The following WWOX variants were observed in gnomAD, a reference collection of about 807,000 sequenced individuals.
WWOX encodes the protein WW domain-containing oxidoreductase.
A neutral mutation model predicts 46.2 loss-of-function variants in WWOX; 69 were observed. The observed-to-expected ratio is 1.49, with a 90% CI of 1.23 to 1.82. The LOEUF is 1.82. Among genes scored for constraint, WWOX ranks in the 40% most tolerant of loss-of-function variants. The pLI is 0.00. For missense variants in WWOX, 919 were observed against 542.6 expected, an observed-to-expected ratio of 1.69 and a Z score of -6.89; for synonymous variants, 359 against 202.6, an observed-to-expected ratio of 1.77 and a Z score of -6.56.
intron 8 of WWOX, among the ~76,000 whole-genome samples, chr16:78,435,508 A>C (rs2083315190): frequency 6.6e-6 from 1 of 152,188 alleles, no homozygotes; most frequent in African/African-American, 2.4e-5. Context: ...TGAGTGAGAA[A>C]GCTGTGGGAA....
chr16:78,151,038 C>G (rs985723320), intron 4 of WWOX, among the ~76,000 whole-genome samples: 1 of 114,856 alleles, frequency 8.7e-6, no homozygotes, highest in Non-Finnish European at 1.8e-5. Context: ...GCACTGTGCT[C>G]CACAATTTTT....
intron 5 of WWOX, among the ~76,000 whole-genome samples, chr16:78,207,201 C>CT (rs1567428228): frequency 6.6e-6 from 1 of 152,178 alleles, no homozygotes; most frequent in African/African-American, 2.4e-5. Flanking sequence ...CCACATGGAC[C>CT]TACTCTATCC....
At chr16:78,282,827 G>A (rs1026717023) in intron 5 of WWOX, among the ~76,000 whole-genome samples, 3 of 143,024 alleles carry the variant, frequency 2.1e-5, no homozygotes, top group Non-Finnish European at 3.0e-5. Context: ...GCAGTGAGCC[G>A]AGATCGTGCC....
chr16:78,376,184 T>C (rs2081820936), intron 5 of WWOX, among the ~76,000 whole-genome samples: 1 of 152,196 alleles, frequency 6.6e-6, no homozygotes, highest in African/African-American at 2.4e-5. Flanking sequence ...ATTTTCACAG[T>C]AACTTCAAGG....
chr16:78,731,862 T>TTTTTTTTTTTTTTG (rs34201735), intron 8 of WWOX, among the ~76,000 whole-genome samples: 2 of 137,800 alleles, frequency 1.5e-5, no homozygotes, highest in African/African-American at 3.1e-5. Context: ...TTTTTTTTTT[T>TTTTTTTTTTTTTTG]TGAGAGACAG....
At chr16:78,540,398 G>T (rs536273425) in intron 8 of WWOX, among the ~76,000 whole-genome samples, 2 of 152,236 alleles carry the variant, frequency 1.3e-5, no homozygotes, top group East Asian at 3.9e-4. Flanking sequence ...TGCATGTTGC[G>T]TGTGGTAGTC....
chr16:79,032,023 G>A (rs2047771489), intron 8 of WWOX, among the ~76,000 whole-genome samples: 1 of 142,414 alleles, frequency 7.0e-6, no homozygotes, highest in South Asian at 2.2e-4. Flanking sequence ...GACTCTCCTG[G>A]GACATTCTAC....
chr16:78,452,475 C>CTTTT (rs397945707), intron 8 of WWOX, among the ~76,000 whole-genome samples: 8 of 126,048 alleles, frequency 6.3e-5, no homozygotes, highest in Non-Finnish European at 9.8e-5. Context: ...CTCTCTCTCT[C>CTTTT]TTTTTTTTTT....
intron 5 of WWOX, among the ~76,000 whole-genome samples, chr16:78,377,881 G>A (rs988083417): frequency 1.3e-5 from 2 of 152,050 alleles, no homozygotes; most frequent in Non-Finnish European, 1.5e-5. Flanking sequence ...ATATTGACAC[G>A]GTTATTTTAT....
chr16:79,204,974 T>C (rs1002362873), intron 8 of WWOX: 4 of 152,212 alleles, frequency 2.6e-5, no homozygotes, highest in Admixed American at 2.6e-4. Flanking sequence ...AAGAAACTCA[T>C]GTCTTTTGTC....
chr16:78,325,552 A>C (rs2080591389), intron 5 of WWOX, among the ~76,000 whole-genome samples: 2 of 152,156 alleles, frequency 1.3e-5, no homozygotes, highest in South Asian at 2.1e-4. Flanking sequence ...CCCTCCACAT[A>C]ATCTTCAGTT....
At chr16:78,537,005 C>T (rs1164951028) in intron 8 of WWOX, among the ~76,000 whole-genome samples, 1 of 151,552 alleles carries the variant, frequency 6.6e-6, no homozygotes, top group African/African-American at 2.4e-5. Context: ...CAACGTGCAC[C>T]TCTCAGGTTC....
At chr16:78,334,553 C>G (rs965463206) in intron 5 of WWOX, among the ~76,000 whole-genome samples, 1 of 152,060 alleles carries the variant, frequency 6.6e-6, no homozygotes, top group African/African-American at 2.4e-5. Flanking sequence ...AGCCATCATT[C>G]TGTTCAATTA....
chr16:78,622,605 G>A (rs185321629), intron 8 of WWOX, among the ~76,000 whole-genome samples: 77 of 151,762 alleles, frequency 5.1e-4, no homozygotes, highest in Non-Finnish European at 8.2e-4. Context: ...ACCCTAAGAC[G>A]GCCCCAGTGA....
chr16:79,099,753 C>T (rs1398441037), intron 8 of WWOX, among the ~76,000 whole-genome samples: 2 of 152,064 alleles, frequency 1.3e-5, no homozygotes. Context: ...TTTGAGACTT[C>T]TAATGAAAAG....
intron 6 of WWOX, among the ~76,000 whole-genome samples, chr16:78,392,485 A>G (rs2082197509): frequency 6.6e-6 from 1 of 152,164 alleles, no homozygotes; most frequent in Non-Finnish European, 1.5e-5. Context: ...AGTGCACAAT[A>G]AATGTCATCT....
At chr16:78,708,275 C>G (rs375258293) in intron 8 of WWOX, among the ~76,000 whole-genome samples, 4 of 152,242 alleles carry the variant, frequency 2.6e-5, no homozygotes, top group African/African-American at 9.6e-5. Flanking sequence ...GTATCCCATG[C>G]AGTATTTGGA....
At chr16:78,668,105 C>T (rs2047374938) in intron 8 of WWOX, among the ~76,000 whole-genome samples, 1 of 152,054 alleles carries the variant, frequency 6.6e-6, no homozygotes, top group Admixed American at 6.6e-5. Flanking sequence ...ATGGTGAAGC[C>T]CCGTCTCTAC....
intron 8 of WWOX, among the ~76,000 whole-genome samples, chr16:78,607,826 G>A (rs2045798853): frequency 6.6e-6 from 1 of 151,970 alleles, no homozygotes; most frequent in African/African-American, 2.4e-5. Flanking sequence ...CCACGGAAAA[G>A]GGCTGGATTT....
Sources: gnomAD v4.1 joint callset for allele counts (sites outside exome capture counted in the v4.1 genomes callset) on GRCh38, gnomAD v4.1.1 for gene constraint, MANE v1.5 for transcripts, NCBI Gene and HGNC (gene_info 2026-07-23, HGNC 2026-07-21) for gene names.